The following SPOPL variants were observed in gnomAD, a reference collection of about 807,000 sequenced individuals.
The protein encoded by SPOPL is speckle-type POZ protein-like.
In SPOPL, 23 loss-of-function variants were observed where a neutral mutation model predicts 53.8. That is an observed-to-expected ratio of 0.43 (90% CI 0.31 to 0.61). SPOPL has a LOEUF of 0.61. SPOPL is among the 20% of genes least tolerant of loss of function. SPOPL has a pLI of 0.12. For synonymous variants in SPOPL, 164 were observed against 149.7 expected, an observed-to-expected ratio of 1.10 and a Z score of -0.70; for missense variants, 442 against 466.9, an observed-to-expected ratio of 0.95 and a Z score of 0.49.
intron 1 of SPOPL, among the ~76,000 whole-genome samples, chr2:138,545,574 T>C (rs533899424): frequency 2.6e-4 from 39 of 148,352 alleles, no homozygotes; most frequent in African/African-American, 9.2e-4. Flanking sequence ...GCTGGGACTA[T>C]AGGCGCCTGC....
At chr2:138,527,724 A>G (rs559774522) in intron 1 of SPOPL, among the ~76,000 whole-genome samples, 1 of 152,158 alleles carries the variant, frequency 6.6e-6, no homozygotes, top group South Asian at 2.1e-4. Context: ...AATGTCTGTT[A>G]TCCTTGGCTT....
chr2:138,510,034 A>G (rs1296539065), intron 1 of SPOPL, among the ~76,000 whole-genome samples: 1 of 152,056 alleles, frequency 6.6e-6, no homozygotes, highest in African/African-American at 2.4e-5. Flanking sequence ...AGTTTCCTCT[A>G]TGTCTTTTCA....
chr2:138,544,683 G>A lies in SPOPL; in HGVS notation c.-60-5474G>A, dbSNP rs183562056. Among the ~76,000 whole-genome samples the A allele has an allele frequency of 9.2e-3, 1,395 of 152,300 alleles. 12 individuals are homozygous for A. The highest frequency in any genetic ancestry group is 0.013 in the Non-Finnish European group (882 of 68,022). On this transcript the variant is annotated intron_variant, in intron 1 of 10. Transcript: ENST00000280098. ...AATTCCCTGACCCCTTGTGCTTCCC[G>A]GGTGAGGTGATGCCTCGCTCTGCTT...
chr2:138,553,304 T>G (rs1438417065), intron 5 of SPOPL, among the ~76,000 whole-genome samples: 1 of 152,136 alleles, frequency 6.6e-6, no homozygotes, highest in African/African-American at 2.4e-5. Flanking sequence ...ATTTGATGTT[T>G]GGATTTGCTT....
chr2:138,543,080 T>C (rs1685110744), intron 1 of SPOPL, among the ~76,000 whole-genome samples: 2 of 152,256 alleles, frequency 1.3e-5, no homozygotes, highest in Non-Finnish European at 2.9e-5. Flanking sequence ...TTCTTCTGGC[T>C]TGTAGAGTTT....
At chr2:138,527,560 C>T (rs2104869945) in intron 1 of SPOPL, among the ~76,000 whole-genome samples, 1 of 152,198 alleles carries the variant, frequency 6.6e-6, no homozygotes, top group Admixed American at 6.5e-5. Context: ...TTTTTCAAAG[C>T]AGCTTGTTCT....
intron 3 of SPOPL, 88 bp from the exon 4 acceptor site, chr2:138,550,815 C>T (rs1184701161): frequency 2.1e-6 from 3 of 1,410,588 alleles, no homozygotes; most frequent in Non-Finnish European, 2.8e-6. Context: ...TTTCAGTGTT[C>T]TCTCTCTCTC....
chr2:138,502,287 C>A (rs898358987), intron 1 of SPOPL, among the ~76,000 whole-genome samples, 168 bp downstream of exon 1: 7 of 152,228 alleles, frequency 4.6e-5, no homozygotes, highest in Non-Finnish European at 1.0e-4. Context: ...GCTCTGGGGA[C>A]TACCTCCCAC....
In SPOPL at chr2:138,517,630, C is replaced by T. The variant is rs920680321; in HGVS notation, c.-61+15511C>T. Among the ~76,000 whole-genome samples, 108 of 151,904 alleles carry T rather than the reference C, an allele frequency of 7.1e-4. 2 individuals are homozygous for T. The highest frequency in any genetic ancestry group is 6.5e-4 in the Non-Finnish European group (44 of 67,954). ...TGGCGGGTGCCTGTAGTCCCAGGTA[C>T]CTGAGAGGCTGAGGCAGGAGAATGG... On this transcript the variant is annotated intron_variant, in intron 1 of 10. Transcript: ENST00000280098.
intron 9 of SPOPL, 45 bp downstream of exon 9, chr2:138,564,895 T>C (rs2104906245): frequency 6.2e-7 from 1 of 1,613,758 alleles, no homozygotes; most frequent in East Asian, 2.2e-5. Context: ...CTTCAATATT[T>C]TTTCTCTGGA....
chr2:138,550,782 C>T, intron 3 of SPOPL, 121 bp from the exon 4 acceptor site: 1 of 1,395,688 alleles, frequency 7.2e-7, no homozygotes, highest in Non-Finnish European at 9.7e-7. Context: ...GACAGGAGTG[C>T]TGTTTGTGAC....
chr2:138,560,839 T>C lies in SPOPL; in HGVS notation c.749T>C (p.Val250Ala), dbSNP rs1685530450. 2 of 1,608,366 alleles carry C rather than the reference T, an allele frequency of 1.2e-6. No homozygotes were observed. Among genetic ancestry groups the C allele is most frequent in the Admixed American group, 1.7e-5 (1 of 59,262 alleles). Reference protein sequence around the residue: ...RVEINDLDPEVFKEMMRFIYT... With the variant: ...RVEINDLDPEAFKEMMRFIYT... Reference sequence around the variant, plus strand: ...GAAATAAATGATTTAGACCCTGAAGTTTTTAAAGAAATGATGAGATTCATT... The same window carrying C: ...GAAATAAATGATTTAGACCCTGAAGCTTTTAAAGAAATGATGAGATTCATT... The change falls in exon 8 of 11, where the codon GTT (valine) becomes GCT (alanine). Residue 250 changes from valine (V) to alanine (A), a missense_variant. Transcript: ENST00000280098.
chr2:138,542,118 G>T (rs139173553), intron 1 of SPOPL, among the ~76,000 whole-genome samples: 2,186 of 152,172 alleles, frequency 0.014, 44 homozygotes, highest in African/African-American at 0.042. Context: ...TATAATTTCT[G>T]TTCTTTTACA....
Position 138,550,567 on chromosome 2 carries a change from T to A in SPOPL, c.163T>A (p.Ser55Thr). 1.2e-6 allele frequency: 2 copies of A among 1,610,582 alleles called. No individual in the cohort carries two copies. Among genetic ancestry groups the A allele is most frequent in the Non-Finnish European group, 1.7e-6 (2 of 1,177,382 alleles). The change falls in exon 3 of 11, where the codon TCA (serine) becomes ACA (threonine). Residue 55 changes from serine (S) to threonine (T), a missense_variant. Transcript: ENST00000280098. ...GGAAATGGGTGAAGTGTTAAAAAGT[T>A]CAACATTTTCATCTGGCCCAAGTGA... ...REEMGEVLKS[S>T]TFSSGPSDKM...
intron 5 of SPOPL, among the ~76,000 whole-genome samples, chr2:138,556,584 A>G (rs1417723073): frequency 6.6e-6 from 1 of 152,180 alleles, no homozygotes; most frequent in Admixed American, 6.5e-5. Context: ...TTTTGTGTCT[A>G]TATCATTAGG....
Position 138,573,290 on chromosome 2 carries a change from AT to A in SPOPL, c.*4211del, listed in dbSNP as rs1685824242. On this transcript the variant is annotated 3_prime_UTR_variant, in exon 11 of 11. Coordinates refer to ENST00000280098, the MANE Select transcript of SPOPL (RefSeq NM_001001664.3). Reference sequence around the variant, plus strand: ...ACATACTCTTCTTTTTCAGGTTGGTATGATGCTTTGCAAAAGAGCCATGTAT... The same window carrying A: ...ACATACTCTTCTTTTTCAGGTTGGTAGATGCTTTGCAAAAGAGCCATGTAT... 6.6e-6 allele frequency: 1 copy of A among 152,174 alleles called. No individual in the cohort carries two copies. The highest frequency in any genetic ancestry group is 1.5e-5 in the Non-Finnish European group (1 of 68,022). 9.4% of individuals were successfully genotyped at this position (152,174 alleles called of 1,614,324 possible). A position where few individuals can be genotyped will look rare whatever the true frequency, so the allele number is the denominator to read the frequency against.
intron 1 of SPOPL, among the ~76,000 whole-genome samples, chr2:138,504,103 T>C (rs1374409984): frequency 6.6e-6 from 1 of 152,252 alleles, no homozygotes; most frequent in Non-Finnish European, 1.5e-5. Context: ...TTGTTTTAAA[T>C]AGTAAAAGTT....
At chr2:138,560,698 T>C in intron 7 of SPOPL, 107 bp from the exon 8 acceptor site, 3 of 1,196,214 alleles carry the variant, frequency 2.5e-6, no homozygotes, top group Non-Finnish European at 3.5e-6. Flanking sequence ...TTATACACTA[T>C]TTTAGTGTAG....
intron 4 of SPOPL, among the ~76,000 whole-genome samples, chr2:138,551,948 A>G (rs749750492): frequency 1.2e-4 from 19 of 152,026 alleles, no homozygotes; most frequent in Non-Finnish European, 2.5e-4. Context: ...CACAAAAAGC[A>G]TCTTTTGGAC....
Sources: gnomAD v4.1 joint callset for allele counts (sites outside exome capture counted in the v4.1 genomes callset) on GRCh38, gnomAD v4.1.1 for gene constraint, MANE v1.5 for transcripts, NCBI Gene and HGNC (gene_info 2026-07-23, HGNC 2026-07-21) for gene names.